Variants in CSGALNACT1 observed in about 807,000 individuals in gnomAD.
The protein encoded by CSGALNACT1 is beta4GalNAcT-1.
Under a neutral mutation model 51.0 loss-of-function variants are expected in CSGALNACT1, and 52 were observed. That is an observed-to-expected ratio of 1.02 (90% CI 0.82 to 1.29). CSGALNACT1 has a LOEUF of 1.29. Among genes scored for constraint, CSGALNACT1 ranks in the 50% most tolerant of loss-of-function variants. The probability of loss-of-function intolerance (pLI) is 0.00; values close to 1 mark genes in which losing one functional copy is unlikely to be tolerated. For missense variants in CSGALNACT1, 935 were observed against 679.2 expected (o/e 1.38, Z -4.19); for synonymous variants, 341 against 254.4 (o/e 1.34, Z -3.24).
At chr8:19,457,631 A>T (rs1250736312) in intron 5 of CSGALNACT1, 2 of 1,268,844 alleles carry the variant, frequency 1.6e-6, no homozygotes, top group South Asian at 2.5e-5. Context: ...AGAAATAAAA[A>T]ATCAGCTTGA....
At chr8:19,701,418 T>C (rs1336574685) in intron 1 of CSGALNACT1, among the ~76,000 whole-genome samples, 1 of 152,096 alleles carries the variant, frequency 6.6e-6, no homozygotes, top group Non-Finnish European at 1.5e-5. Context: ...CCTCCCCAAG[T>C]GCTAGGATTA....
chr8:19,676,783 C>G (rs952603157), intron 1 of CSGALNACT1, among the ~76,000 whole-genome samples: 3 of 152,166 alleles, frequency 2.0e-5, no homozygotes, highest in African/African-American at 7.2e-5. Flanking sequence ...ACCATCAACC[C>G]AGACAGGATT....
upstream of CSGALNACT1, among the ~76,000 whole-genome samples, chr8:19,686,181 A>T (rs2060967006): frequency 6.6e-6 from 1 of 151,832 alleles, no homozygotes; most frequent in African/African-American, 2.4e-5. Context: ...ACTGACAAGG[A>T]CCCCCCAAAA....
At chr8:19,419,034 TG>T (rs897651100) in intron 7 of CSGALNACT1, among the ~76,000 whole-genome samples, 1 of 152,046 alleles carries the variant, frequency 6.6e-6, no homozygotes, top group Non-Finnish European at 1.5e-5. Flanking sequence ...TTAGTAGAGA[TG>T]GGGTTTCACC....
chr8:19,412,675 G>A (rs771856643), intron 8 of CSGALNACT1, among the ~76,000 whole-genome samples: 3 of 152,140 alleles, frequency 2.0e-5, no homozygotes, highest in Admixed American at 6.5e-5. Context: ...AAGGCCCCAA[G>A]GCCTGCTGTC....
At chr8:19,435,610 G>A (rs1032385246) in intron 6 of CSGALNACT1, among the ~76,000 whole-genome samples, 3 of 152,138 alleles carry the variant, frequency 2.0e-5, no homozygotes, top group Non-Finnish European at 2.9e-5. Context: ...GTTCAGTGAT[G>A]GTTCCCAGGC....
In CSGALNACT1 at chr8:19,440,845, A is replaced by C. The variant is rs576748883; in HGVS notation, c.852-914T>G. Among the ~76,000 whole-genome samples the C allele has an allele frequency of 2.2e-3, 339 of 152,320 alleles. 2 individuals are homozygous for C. The highest frequency in any genetic ancestry group is 7.7e-3 in the African/African-American group (321 of 41,560). On this transcript the variant is annotated intron_variant, in intron 5 of 9. Transcript: ENST00000454498. ...CATTGTCTCAGCCCAAAATCTCCCT[A>C]AGCTGATAAGCAACTTCAGCAAAGT...
At chr8:19,421,503 A>C (rs115542329) in intron 6 of CSGALNACT1, among the ~76,000 whole-genome samples, 1,569 of 152,212 alleles carry the variant, frequency 0.01, 27 homozygotes, top group African/African-American at 0.036. Flanking sequence ...TTTCCTGTCA[A>C]CGACACCCTT....
chr8:19,517,889 A>C (rs1418518409), intron 3 of CSGALNACT1, among the ~76,000 whole-genome samples: 1 of 152,222 alleles, frequency 6.6e-6, no homozygotes. Flanking sequence ...TATCACACTC[A>C]GTTCTCTCTT....
At chr8:19,500,749 T>C (rs1218268520) in intron 4 of CSGALNACT1, among the ~76,000 whole-genome samples, 1 of 152,190 alleles carries the variant, frequency 6.6e-6, no homozygotes, top group Non-Finnish European at 1.5e-5. Flanking sequence ...TGTCTTTGCT[T>C]TAAAACGTAT....
At chr8:19,562,391 G>A (rs989272570) in intron 3 of CSGALNACT1, among the ~76,000 whole-genome samples, 8 of 151,636 alleles carry the variant, frequency 5.3e-5, no homozygotes, top group African/African-American at 1.9e-4. Context: ...CAGGATATAG[G>A]CATGGGCAAC....
At chr8:19,633,293 C>A (rs1167271248) in intron 1 of CSGALNACT1, among the ~76,000 whole-genome samples, 2 of 151,952 alleles carry the variant, frequency 1.3e-5, no homozygotes, top group African/African-American at 2.4e-5. Context: ...TTTTGTGATC[C>A]TTTCCTTCCC....
chr8:19,703,774 G>A (rs73218626), intron 1 of CSGALNACT1, among the ~76,000 whole-genome samples: 2,788 of 152,268 alleles, frequency 0.018, 33 homozygotes, highest in South Asian at 0.048. Flanking sequence ...CATTCACTCA[G>A]AACAACATAT....
Position 19,706,828 on chromosome 8 carries a change from T to C in CSGALNACT1, c.-297+51022A>G, listed in dbSNP as rs183986427. On this transcript the variant is annotated intron_variant, in intron 1 of 1. Transcript: ENST00000517494. ...CTTTTGTAGAGACAGGATCTTGCTA[T>C]GTTGCCCAGGCTGGTTTTGAACTCA... Among the ~76,000 whole-genome samples the C allele has an allele frequency of 2.4e-3, 365 of 152,280 alleles. 2 individuals carry two copies. Among genetic ancestry groups the C allele is most frequent in the Admixed American group, 0.01 (160 of 15,288 alleles).
intron 1 of CSGALNACT1, among the ~76,000 whole-genome samples, chr8:19,701,048 C>G (rs1035673114): frequency 6.6e-6 from 1 of 151,780 alleles, no homozygotes; most frequent in Non-Finnish European, 1.5e-5. Flanking sequence ...ACCTTCCACC[C>G]TTCCCTCTTA....
chr8:19,665,394 G>A (rs1397230665), intron 1 of CSGALNACT1, among the ~76,000 whole-genome samples: 2 of 152,172 alleles, frequency 1.3e-5, no homozygotes. Context: ...GGTTACAAAT[G>A]TCTGTTTATG....
At chr8:19,708,345 C>G (rs551372519) in intron 1 of CSGALNACT1, among the ~76,000 whole-genome samples, 20 of 152,292 alleles carry the variant, frequency 1.3e-4, no homozygotes, top group Non-Finnish European at 2.4e-4. Flanking sequence ...GTATTTTCAC[C>G]TCTATCATCA....
chr8:19,435,030 G>A (rs561480881), intron 6 of CSGALNACT1, among the ~76,000 whole-genome samples: 3 of 152,012 alleles, frequency 2.0e-5, no homozygotes, highest in Non-Finnish European at 4.4e-5. Context: ...CCCTCTCCTA[G>A]CATCACATAC....
intron 1 of CSGALNACT1, among the ~76,000 whole-genome samples, chr8:19,697,956 GA>G (rs1473752767): frequency 6.6e-6 from 1 of 152,162 alleles, no homozygotes; most frequent in Non-Finnish European, 1.5e-5. Flanking sequence ...ATCAAGAATA[GA>G]GAAGTAAACA....
Sources: gnomAD v4.1 joint callset for allele counts (sites outside exome capture counted in the v4.1 genomes callset) on GRCh38, gnomAD v4.1.1 for gene constraint, MANE v1.5 for transcripts, NCBI Gene and HGNC (gene_info 2026-07-23, HGNC 2026-07-21) for gene names.